The following BANP variants were observed in gnomAD, a reference collection of about 807,000 sequenced individuals.
BANP encodes protein BANP.
In BANP, 11 loss-of-function variants were observed where a neutral mutation model predicts 68.1. The observed-to-expected ratio is 0.16, with a 90% confidence interval of 0.10 to 0.27. The LOEUF is 0.27. Among genes scored for constraint, BANP ranks in the 10% least tolerant of loss-of-function variants. The pLI is 1.00. For missense variants in BANP, 504 were observed against 722.7 expected (o/e 0.70, Z 3.47); for synonymous variants, 329 against 303.2 (o/e 1.09, Z -0.88).
chr16:88,001,935 A>G (rs573022918), intron 4 of BANP, among the ~76,000 whole-genome samples: 2 of 151,922 alleles, frequency 1.3e-5, no homozygotes, highest in African/African-American at 4.9e-5. Context: ...AAAAAACAAA[A>G]AAAAAAAAAC....
At chr16:88,029,380 C>A (rs375174184) in intron 8 of BANP, among the ~76,000 whole-genome samples, 7 of 147,146 alleles carry the variant, frequency 4.8e-5, no homozygotes, top group African/African-American at 1.8e-4. Flanking sequence ...GAGGCCAAGG[C>A]GGGCAGATCA....
At chr16:87,954,563 C>G (rs1160587216) in intron 1 of BANP, among the ~76,000 whole-genome samples, 2 of 152,240 alleles carry the variant, frequency 1.3e-5, no homozygotes, top group African/African-American at 4.8e-5. Flanking sequence ...GGAGCACCAA[C>G]TTGCAGATAT....
intron 12 of BANP, among the ~76,000 whole-genome samples, chr16:88,065,741 T>C (rs986053978): frequency 3.9e-5 from 6 of 152,122 alleles, no homozygotes; most frequent in Admixed American, 1.3e-4. Context: ...GGCTCTGCTT[T>C]TGTTTTTATT....
intron 11 of BANP, among the ~76,000 whole-genome samples, chr16:88,052,699 A>G (rs939955256): frequency 2.0e-5 from 3 of 151,758 alleles, no homozygotes; most frequent in African/African-American, 4.8e-5. Flanking sequence ...CTCGACCACT[A>G]TCATCTCCAT....
At chr16:87,985,352 T>G (rs1212938464) in intron 4 of BANP, among the ~76,000 whole-genome samples, 4 of 152,208 alleles carry the variant, frequency 2.6e-5, no homozygotes, top group Non-Finnish European at 5.9e-5. Context: ...GTTCACGTGT[T>G]ACTCTGAGAT....
intron 11 of BANP, among the ~76,000 whole-genome samples, chr16:88,063,195 A>T (rs1399471956): frequency 2.6e-5 from 4 of 152,152 alleles, no homozygotes; most frequent in African/African-American, 9.7e-5. Flanking sequence ...TGCGTGTTTC[A>T]CGGCGTTGCC....
At chr16:87,955,649 A>G (rs781041031) in intron 1 of BANP, among the ~76,000 whole-genome samples, 1 of 151,916 alleles carries the variant, frequency 6.6e-6, no homozygotes, top group Non-Finnish European at 1.5e-5. Flanking sequence ...TGTGATATTT[A>G]CATAGTCACA....
intron 2 of BANP, among the ~76,000 whole-genome samples, chr16:87,977,972 A>C (rs2062509552): frequency 6.6e-6 from 1 of 152,146 alleles, no homozygotes; most frequent in Non-Finnish European, 1.5e-5. Flanking sequence ...AGTAGCTGGG[A>C]TTACAGGTGC....
Position 87,963,697 on chromosome 16 carries a change from G to A in BANP, c.-68-11351G>A, listed in dbSNP as rs376154358. 5.9e-5 allele frequency among the ~76,000 whole-genome samples: 9 copies of A among 152,336 alleles called. No individual in the cohort carries two copies. The East Asian group carries it at 1.3e-3, about 23-fold the overall frequency. ...GTTACGTTGTGACACCCCTAATGATGCATGTGATGTGGCTTAGGTAGCGAC... is the reference window on the plus strand; with the variant it reads ...GTTACGTTGTGACACCCCTAATGATACATGTGATGTGGCTTAGGTAGCGAC... On this transcript the variant is annotated intron_variant, in intron 1 of 13. Coordinates refer to ENST00000682872, the MANE Select transcript of BANP (RefSeq NM_001386991.1).
chr16:87,955,388 G>T (rs974967635), intron 1 of BANP, among the ~76,000 whole-genome samples: 1 of 152,178 alleles, frequency 6.6e-6, no homozygotes, highest in Non-Finnish European at 1.5e-5. Context: ...GATAGTTTTT[G>T]ACTTTACAGA....
rs903874661 is a variant in BANP, at chr16:87,957,934, G to A, written c.-69+6419G>A. On this transcript the variant is annotated intron_variant, in intron 1 of 13. Coordinates refer to ENST00000682872, the MANE Select transcript of BANP (RefSeq NM_001386991.1). This position sits in a 1 kb window ranked among gnomAD's most constrained non-coding sequence, Gnocchi z 4.3. ...AGCTCTTGTGTCGGTGGGAGCTGGC[G>A]GTGGGTCCCTGAGCAGAGTGCTGCC... 7.2e-5 allele frequency among the ~76,000 whole-genome samples: 11 copies of A among 151,932 alleles called. No homozygotes were observed. The South Asian group carries it at 1.5e-3, about 20-fold the overall frequency.
At chr16:88,042,608 T>A (rs1244075701) in intron 11 of BANP, among the ~76,000 whole-genome samples, 1 of 152,212 alleles carries the variant, frequency 6.6e-6, no homozygotes, top group Non-Finnish European at 1.5e-5. Context: ...ACACTGACAT[T>A]GAAATTGCAG....
chr16:88,069,854 T>G (rs1406045878), intron 12 of BANP, among the ~76,000 whole-genome samples: 1 of 152,210 alleles, frequency 6.6e-6, no homozygotes, highest in East Asian at 1.9e-4. Context: ...CATTTTTTTT[T>G]TCAGTAAAAA....
At chr16:88,072,827 G>A (rs761246461) in intron 13 of BANP, among the ~76,000 whole-genome samples, 9 of 152,222 alleles carry the variant, frequency 5.9e-5, no homozygotes, top group Admixed American at 3.3e-4. Context: ...CCCTGCATCC[G>A]GGAGCAGTCT....
At position 88,076,612 on chromosome 16, in the gene BANP, C is replaced by T. The variant is rs770830907; in HGVS notation, c.1544C>T (p.Thr515Met). ...CAGACGGCCGAAGCCCTGCAGCCCA[C>T]GCTACAGCCGGAGATGCAGCTCGAG... ...GAQTAEALQP[T>M]LQPEMQLEHG... Residue 515 changes from threonine to methionine, a missense_variant, in exon 14 of 14, where the codon ACG becomes ATG. Transcript: ENST00000682872. 1.1e-4 allele frequency: 183 copies of T among 1,612,066 alleles called. 1 individual carries two copies. Among genetic ancestry groups the T allele is most frequent in the South Asian group, 8.6e-4 (78 of 91,082 alleles).
Position 88,018,734 on chromosome 16 carries a change from G to A in BANP, c.895+67G>A, listed in dbSNP as rs985149727. 44 of 1,495,186 alleles carry A rather than the reference G, an allele frequency of 2.9e-5. No individual in the cohort carries two copies. The African/African-American group carries it at 4.6e-4, about 16-fold the overall frequency. 92.6% of individuals were successfully genotyped at this position (1,495,186 alleles called of 1,614,324 possible). A position where few individuals can be genotyped will look rare whatever the true frequency, so the allele number is the denominator to read the frequency against. On this transcript the variant is annotated intron_variant, in intron 7 of 13. Coordinates refer to ENST00000682872, the MANE Select transcript of BANP (RefSeq NM_001386991.1). This position sits in a 1 kb window ranked among gnomAD's most constrained non-coding sequence, Gnocchi z 7.7. ...GCTGGGTCAGGACCCACATTTCAAT[G>A]CTGAGGACGCTGGCATCAGTAGCAC...
chr16:88,045,477 G>A (rs1032183863), intron 11 of BANP, among the ~76,000 whole-genome samples: 20 of 152,246 alleles, frequency 1.3e-4, no homozygotes, highest in Admixed American at 1.3e-3. Context: ...GGGGGCCAGA[G>A]CCCAGGCTCT....
intron 1 of BANP, among the ~76,000 whole-genome samples, chr16:87,955,477 G>C (rs2057852559): frequency 6.6e-6 from 1 of 152,132 alleles, no homozygotes; most frequent in South Asian, 2.1e-4. Flanking sequence ...TATGTAACCA[G>C]GCATCCATAT....
At chr16:88,049,050 C>T (rs900812048) in intron 11 of BANP, among the ~76,000 whole-genome samples, 2 of 152,060 alleles carry the variant, frequency 1.3e-5, no homozygotes, top group South Asian at 2.1e-4. Flanking sequence ...TGGGACCAAA[C>T]GTGGGGTTTT....
Sources: gnomAD v4.1 joint callset for allele counts (sites outside exome capture counted in the v4.1 genomes callset) on GRCh38, gnomAD v4.1.1 for gene constraint, Gnocchi (gnomAD v3.1) non-coding constraint, MANE v1.5 for transcripts, NCBI Gene and HGNC (gene_info 2026-07-23, HGNC 2026-07-21) for gene names.